Variants in COL23A1 observed in about 807,000 individuals in gnomAD.
COL23A1 encodes the protein collagen type XXIII alpha 1 chain, also known as collagen alpha-1(XXIII) chain.
COL23A1 carries 97 observed loss-of-function variants against 99.3 expected under a neutral mutation model. The observed-to-expected ratio is 0.98, with a 90% CI of 0.83 to 1.16. COL23A1 has a LOEUF of 1.16. Among genes scored for constraint, COL23A1 ranks in the 50% most tolerant of loss-of-function variants. The pLI is 0.00. For synonymous variants in COL23A1, 320 were observed against 308.2 expected (o/e 1.04, Z -0.40); for missense variants, 762 against 757.4 (o/e 1.01, Z -0.07).
chr5:178,497,339 C>T (rs1043564432), intron 2 of COL23A1, among the ~76,000 whole-genome samples: 2 of 152,194 alleles, frequency 1.3e-5, no homozygotes, highest in African/African-American at 4.8e-5. Flanking sequence ...CATCAAGATC[C>T]TCAGAAATGG....
At chr5:178,359,327 C>T (rs1042154709) in intron 2 of COL23A1, among the ~76,000 whole-genome samples, 2 of 152,172 alleles carry the variant, frequency 1.3e-5, no homozygotes, top group Non-Finnish European at 2.9e-5. Context: ...AGTTTGAGAC[C>T]AGCCTGGCCA....
At chr5:178,400,650 CT>C (rs70995002) in intron 2 of COL23A1, among the ~76,000 whole-genome samples, 8,488 of 147,784 alleles carry the variant, frequency 0.057, 732 homozygotes, top group African/African-American at 0.19. Context: ...ATCTCCAGAA[CT>C]TTTTTTTTTT....
chr5:178,261,742 T>C lies in COL23A1; in HGVS notation c.682A>G (p.Lys228Glu). ...EPGQDGEMGP[K>E]GPPGPKGEPG... ...CTCACCTTGGGCCCTGGGGGTCCCTTTGGGCCCTGGAACAAGAGAAGAGAA... is the reference window on the plus strand; with the variant it reads ...CTCACCTTGGGCCCTGGGGGTCCCTCTGGGCCCTGGAACAAGAGAAGAGAA... Residue 228 changes from lysine (K) to glutamate (E), a missense_variant, in exon 11 of 29, where the codon AAG becomes GAG. Coordinates refer to ENST00000390654, the MANE Select transcript of COL23A1 (RefSeq NM_173465.4). 6.2e-7 allele frequency: 1 copy of C among 1,607,884 alleles called. No individual in the cohort carries two copies. Among genetic ancestry groups the C allele is most frequent in the Non-Finnish European group, 8.5e-7 (1 of 1,174,510 alleles).
intron 16 of COL23A1, among the ~76,000 whole-genome samples, chr5:178,253,648 A>C (rs1765152877): frequency 6.6e-6 from 1 of 151,594 alleles, no homozygotes; most frequent in East Asian, 2.0e-4. Context: ...ATGCCCGGCT[A>C]ATTTTTGTAT....
chr5:178,377,121 G>A (rs140823736), intron 2 of COL23A1, among the ~76,000 whole-genome samples: 13 of 152,278 alleles, frequency 8.5e-5, no homozygotes, highest in African/African-American at 2.2e-4. Context: ...ATGGGACTAC[G>A]CGGGCCACGC....
At chr5:178,247,945 CAG>C in intron 20 of COL23A1, 114 bp from the exon 21 acceptor site, 1 of 986,320 alleles carries the variant, frequency 1.0e-6, no homozygotes, top group Non-Finnish European at 1.5e-6. Flanking sequence ...CCCCAGAGGG[CAG>C]AGTCTGGTGA....
rs1764137884 is a variant in COL23A1, at chr5:178,589,098, C to T, written c.294+806G>A. On this transcript the variant is annotated intron_variant, in intron 1 of 28. Transcript: ENST00000390654. This position sits in a 1 kb window ranked among gnomAD's most constrained non-coding sequence, Gnocchi z 5.4. ...ATGCTGGGTGAGGGCTTGGAGGACC[C>T]AAAGGTGGCTCTTTCTTTGAAGACA... 6.6e-6 allele frequency among the ~76,000 whole-genome samples: 1 copy of T among 152,154 alleles called. No homozygotes were observed. The highest frequency in any genetic ancestry group is 1.5e-5 in the Non-Finnish European group (1 of 68,028).
chr5:178,520,251 G>C (rs1467601655), intron 2 of COL23A1, among the ~76,000 whole-genome samples: 1 of 152,194 alleles, frequency 6.6e-6, no homozygotes, highest in Non-Finnish European at 1.5e-5. Context: ...TGACTAGTAA[G>C]ATTGGACAGT....
intron 3 of COL23A1, among the ~76,000 whole-genome samples, chr5:178,294,885 T>A (rs1231580201): frequency 6.6e-6 from 1 of 152,192 alleles, no homozygotes; most frequent in African/African-American, 2.4e-5. Context: ...CTCACGCCTA[T>A]AATCCCAGCA....
intron 1 of COL23A1, chr5:178,561,894 CTT>C (rs1762577795): frequency 3.1e-6 from 1 of 318,518 alleles, no homozygotes; most frequent in Non-Finnish European, 6.2e-6. Flanking sequence ...GACCGGGAGA[CTT>C]CACCAGGGCA....
intron 2 of COL23A1, among the ~76,000 whole-genome samples, chr5:178,536,323 G>A (rs908890454): frequency 1.2e-4 from 19 of 152,372 alleles, no homozygotes; most frequent in Admixed American, 6.5e-4. Context: ...ATGGACCGGC[G>A]TGGAAAGCCC....
At chr5:178,346,453 C>G (rs1442038776) in intron 2 of COL23A1, among the ~76,000 whole-genome samples, 2 of 152,154 alleles carry the variant, frequency 1.3e-5, no homozygotes, top group African/African-American at 4.8e-5. Flanking sequence ...CCAGGCTGGT[C>G]TCAAATTCCT....
intron 2 of COL23A1, among the ~76,000 whole-genome samples, chr5:178,558,482 C>T (rs1762395544): frequency 1.3e-5 from 2 of 152,100 alleles, no homozygotes; most frequent in Admixed American, 1.3e-4. Context: ...CCATCTCACA[C>T]CATCCAAGTC....
intron 2 of COL23A1, among the ~76,000 whole-genome samples, chr5:178,312,871 T>C (rs1189090517): frequency 2.6e-5 from 4 of 152,140 alleles, no homozygotes; most frequent in Non-Finnish European, 5.9e-5. Context: ...TTTCTTCCTA[T>C]AGATCAGGGG....
chr5:178,547,532 C>A (rs1761669708), intron 2 of COL23A1, among the ~76,000 whole-genome samples: 1 of 124,604 alleles, frequency 8.0e-6, no homozygotes, highest in Non-Finnish European at 1.7e-5. Context: ...CACTCACACC[C>A]ACAAACACAC....
At chr5:178,316,326 A>T (rs1758981966) in intron 2 of COL23A1, among the ~76,000 whole-genome samples, 1 of 152,196 alleles carries the variant, frequency 6.6e-6, no homozygotes. Flanking sequence ...CTGTCTAGAG[A>T]TTTCCAGAAT....
At chr5:178,454,794 C>A (rs558251931) in intron 2 of COL23A1, among the ~76,000 whole-genome samples, 1 of 152,238 alleles carries the variant, frequency 6.6e-6, no homozygotes, top group African/African-American at 2.4e-5. Context: ...TCCTTTATTG[C>A]GTGTATTAGT....
At chr5:178,358,503 ATATG>A (rs1436338126) in intron 2 of COL23A1, among the ~76,000 whole-genome samples, 3 of 93,518 alleles carry the variant, frequency 3.2e-5, no homozygotes, top group Non-Finnish European at 6.6e-5. Context: ...GTATGCGTGT[ATATG>A]TGTGTATGTG....
chr5:178,544,018 G>A lies in COL23A1; in HGVS notation c.361+16664C>T, dbSNP rs1761442042. On this transcript the variant is annotated intron_variant, in intron 2 of 28. Coordinates refer to ENST00000390654, the MANE Select transcript of COL23A1 (RefSeq NM_173465.4). The surrounding 1 kb of genome is among the most constrained non-coding windows in gnomAD (Gnocchi z 4.4). ...TAAGGGCACTAATCCCATCACAAGG[G>A]CTCCACTCTCATACCCTAATCACCT... is the stretch of plus-strand genomic sequence containing the variant. Among the ~76,000 whole-genome samples the A allele has an allele frequency of 6.6e-6, 1 of 151,958 alleles. No homozygotes were observed.
Sources: allele counts gnomAD v4.1 joint callset (sites outside exome capture counted in the v4.1 genomes callset), GRCh38; gene constraint gnomAD v4.1.1; non-coding constraint Gnocchi (gnomAD v3.1); transcripts MANE v1.5; gene names NCBI Gene and HGNC (gene_info 2026-07-23, HGNC 2026-07-21).